The following KHDRBS3 variants were observed in gnomAD, a reference collection of about 807,000 sequenced individuals.
KHDRBS3 encodes the protein KH RNA binding domain containing, signal transduction associated 3, also known as KH domain-containing, RNA-binding, signal transduction-associated protein 3.
KHDRBS3 carries 23 observed loss-of-function variants against 45.6 expected under a neutral mutation model. The observed-to-expected ratio is 0.50, with a 90% CI of 0.36 to 0.72. The LOEUF (loss-of-function observed/expected upper bound fraction) is 0.72, where lower values mean the gene tolerates loss of function less well. Among genes scored for constraint, KHDRBS3 ranks in the 30% least tolerant of loss-of-function variants. The pLI, the probability that KHDRBS3 is intolerant of heterozygous loss-of-function variation, is 0.00. For missense variants in KHDRBS3, 352 were observed against 424.8 expected (o/e 0.83, Z 1.51); for synonymous variants, 162 against 156.5 (o/e 1.04, Z -0.26).
intron 3 of KHDRBS3, among the ~76,000 whole-genome samples, chr8:135,544,578 G>A (rs1287153300): frequency 1.3e-5 from 2 of 152,072 alleles, no homozygotes; most frequent in African/African-American, 2.4e-5. Flanking sequence ...CCTGGCCACC[G>A]TGGCCATTTT....
chr8:135,546,132 G>C (rs958915640), intron 3 of KHDRBS3, among the ~76,000 whole-genome samples: 2 of 150,680 alleles, frequency 1.3e-5, no homozygotes, highest in African/African-American at 4.9e-5. Context: ...GCAAGACTCT[G>C]TCTCCCAAAA....
chr8:135,485,759 T>A (rs1822820793), intron 1 of KHDRBS3, among the ~76,000 whole-genome samples: 1 of 150,674 alleles, frequency 6.6e-6, no homozygotes, highest in Non-Finnish European at 1.5e-5. Flanking sequence ...TCACAGGCCT[T>A]CACCCAAGCA....
intron 2 of KHDRBS3, among the ~76,000 whole-genome samples, chr8:135,534,202 C>G (rs1157762536): frequency 7.1e-6 from 1 of 141,546 alleles, no homozygotes; most frequent in Non-Finnish European, 1.5e-5. Context: ...CTTTATTTTA[C>G]AATTCTTCTC....
chr8:135,529,853 G>C (rs1056090189), intron 2 of KHDRBS3, among the ~76,000 whole-genome samples: 1 of 152,022 alleles, frequency 6.6e-6, no homozygotes, highest in African/African-American at 2.4e-5. Flanking sequence ...GAGGTCAGGA[G>C]ATTGAGACCA....
At chr8:135,638,048 A>G (rs568449813) in intron 7 of KHDRBS3, among the ~76,000 whole-genome samples, 1 of 152,316 alleles carries the variant, frequency 6.6e-6, no homozygotes, top group East Asian at 1.9e-4. Flanking sequence ...TCTGAAAAAA[A>G]CAAAACCACA....
chr8:135,570,045 G>T (rs1393611938), intron 5 of KHDRBS3, among the ~76,000 whole-genome samples: 1 of 151,992 alleles, frequency 6.6e-6, no homozygotes, highest in Non-Finnish European at 1.5e-5. Context: ...AGCCTTACGG[G>T]GCAATTCTGT....
chr8:135,543,676 T>C (rs1024125013), intron 3 of KHDRBS3, among the ~76,000 whole-genome samples: 2 of 152,182 alleles, frequency 1.3e-5, no homozygotes, highest in African/African-American at 4.8e-5. Flanking sequence ...GGAAAAATGA[T>C]GGGAGATAAT....
chr8:135,475,786 A>T (rs999277126), intron 1 of KHDRBS3, among the ~76,000 whole-genome samples: 3 of 152,168 alleles, frequency 2.0e-5, no homozygotes, highest in Non-Finnish European at 4.4e-5. Flanking sequence ...ACCTCAATAT[A>T]TCCCTCTTAG....
chr8:135,498,134 G>GA (rs150846063), intron 1 of KHDRBS3, among the ~76,000 whole-genome samples: 197 of 148,576 alleles, frequency 1.3e-3, no homozygotes, highest in African/African-American at 3.8e-3. Context: ...CCTCAGAGAT[G>GA]AAAAAAAAAA....
chr8:135,547,550 G>A (rs1247291159), intron 3 of KHDRBS3, among the ~76,000 whole-genome samples: 4 of 152,114 alleles, frequency 2.6e-5, no homozygotes, highest in Admixed American at 6.5e-5. Context: ...CCCATTTCCC[G>A]CTCTGTGTAT....
At chr8:135,622,150 G>A (rs933359759) in intron 7 of KHDRBS3, among the ~76,000 whole-genome samples, 9 of 152,086 alleles carry the variant, frequency 5.9e-5, no homozygotes, top group Admixed American at 6.6e-5. Context: ...TTTGATCAAT[G>A]TCTGTCTTCT....
chr8:135,636,614 C>T (rs1029796370), intron 7 of KHDRBS3, among the ~76,000 whole-genome samples: 1 of 152,150 alleles, frequency 6.6e-6, no homozygotes, highest in Non-Finnish European at 1.5e-5. Flanking sequence ...GAGGTGGGCT[C>T]GTGATGGATC....
At chr8:135,546,625 G>T (rs372721410) in intron 3 of KHDRBS3, among the ~76,000 whole-genome samples, 10 of 152,068 alleles carry the variant, frequency 6.6e-5, no homozygotes, top group East Asian at 3.8e-4. Flanking sequence ...TATGTGCAAG[G>T]CTTCATCCTA....
chr8:135,543,044 T>C (rs1374257542), intron 3 of KHDRBS3, among the ~76,000 whole-genome samples: 1 of 152,226 alleles, frequency 6.6e-6, no homozygotes, highest in Non-Finnish European at 1.5e-5. Flanking sequence ...ATTAAAATTA[T>C]CATGAAAAGA....
chr8:135,646,723 G>C lies in KHDRBS3; in HGVS notation c.950-270G>C, dbSNP rs1044824515. Among the ~76,000 whole-genome samples, 4 of 152,126 alleles carry C rather than the reference G, an allele frequency of 2.6e-5. No homozygotes were observed. The South Asian group carries it at 6.2e-4, about 24-fold the overall frequency. ...ACTGTTGTTAAATGAGTAACCAAAA[G>C]GAAAGTCCTTGCGAAGTTGGTTACC... is the stretch of plus-strand genomic sequence containing the variant. On this transcript the variant is annotated intron_variant, in intron 8 of 8. Transcript: ENST00000355849.
intron 1 of KHDRBS3, among the ~76,000 whole-genome samples, chr8:135,510,100 T>C (rs1028674353): frequency 8.6e-5 from 13 of 151,130 alleles, no homozygotes; most frequent in Non-Finnish European, 1.3e-4. Flanking sequence ...CTGCCTCAGC[T>C]TCCAGAGTAG....
intron 6 of KHDRBS3, among the ~76,000 whole-genome samples, chr8:135,604,792 A>AT (rs1253853539): frequency 6.6e-6 from 1 of 151,780 alleles, no homozygotes; most frequent in African/African-American, 2.4e-5. Flanking sequence ...AGCTTATACT[A>AT]TCTTTTATAT....
chr8:135,543,539 T>A (rs1239590495), intron 3 of KHDRBS3, among the ~76,000 whole-genome samples: 28 of 152,140 alleles, frequency 1.8e-4, no homozygotes, highest in Admixed American at 1.8e-3. Context: ...CAATCCAACA[T>A]CCTCACAAAA....
intron 7 of KHDRBS3, among the ~76,000 whole-genome samples, chr8:135,637,551 A>G (rs1830865855): frequency 6.6e-6 from 1 of 152,250 alleles, no homozygotes; most frequent in Non-Finnish European, 1.5e-5. Flanking sequence ...ATTAAATTTA[A>G]ATAGTACAGA....
Sources: gnomAD v4.1 joint callset for allele counts (sites outside exome capture counted in the v4.1 genomes callset) on GRCh38, gnomAD v4.1.1 for gene constraint, MANE v1.5 for transcripts, NCBI Gene and HGNC (gene_info 2026-07-23, HGNC 2026-07-21) for gene names.